Variants in MFAP3L observed in about 807,000 individuals in gnomAD.
The protein encoded by MFAP3L is microfibril associated protein 3 like, also known as microfibrillar-associated protein 3-like.
A neutral mutation model predicts 20.0 loss-of-function variants in MFAP3L; 5 were observed. The ratio of observed to expected loss-of-function variants is 0.25; its 90% CI spans 0.13 to 0.53. The LOEUF (loss-of-function observed/expected upper bound fraction) is 0.53, where lower values mean the gene tolerates loss of function less well. Among genes scored for constraint, MFAP3L ranks in the 20% least tolerant of loss-of-function variants. MFAP3L has a pLI of 0.96. For synonymous variants in MFAP3L, 219 were observed against 213.0 expected (o/e 1.03, Z -0.25); for missense variants, 409 against 527.5 (o/e 0.78, Z 2.20).
intron 1 of MFAP3L, among the ~76,000 whole-genome samples, chr4:170,023,829 T>C (rs1213479376): frequency 6.6e-6 from 1 of 152,190 alleles, no homozygotes; most frequent in Non-Finnish European, 1.5e-5. Flanking sequence ...AAAAGTAGAA[T>C]AAAAAGTCCA....
intron 1 of MFAP3L, among the ~76,000 whole-genome samples, chr4:170,023,707 A>G (rs1740177448): frequency 6.6e-6 from 1 of 152,234 alleles, no homozygotes; most frequent in Non-Finnish European, 1.5e-5. Flanking sequence ...CATGATTTCT[A>G]AATTCCAAAA....
At chr4:170,026,944 T>TA (rs1730484268), upstream of MFAP3L, 2 of 152,280 alleles carry the variant, frequency 1.3e-5, no homozygotes, top group African/African-American at 4.8e-5. Flanking sequence ...GACTGCGCTG[T>TA]AAGTCTTAAA....
chr4:170,027,141 C>T (rs1730501823), upstream of MFAP3L: 1 of 150,952 alleles, frequency 6.6e-6, no homozygotes, highest in Non-Finnish European at 1.5e-5. Context: ...AAGTAGAGTA[C>T]TCTAAAATTA....
Position 169,991,610 on chromosome 4 carries a change from T to TG in MFAP3L, c.997dup (p.Gln333ProfsTer7), listed in dbSNP as rs756100644. 6.2e-7 allele frequency: 1 copy of TG among 1,614,188 alleles called. No individual in the cohort carries two copies. ...TTTGACTTCAAACTGTCCACCCTCT[T>TG]GGTCATCTGCATGCTCTTTTTTGGA... is the stretch of plus-strand genomic sequence containing the variant. On this transcript the variant is annotated frameshift_variant, in exon 3 of 3. Transcript: ENST00000361618. LOFTEE classifies it high-confidence loss of function. This position sits in a 1 kb window ranked among gnomAD's most constrained non-coding sequence, Gnocchi z 4.9.
intron 2 of MFAP3L, among the ~76,000 whole-genome samples, chr4:170,003,988 ACT>A (rs1275153232): frequency 1.4e-4 from 22 of 152,076 alleles, no homozygotes; most frequent in Non-Finnish European, 2.5e-4. Context: ...ACAGAGTCTC[ACT>A]CTGTCGCCCA....
At chr4:170,005,031 G>A (rs554985763) in intron 2 of MFAP3L, 1 of 154,184 alleles carries the variant, frequency 6.5e-6, no homozygotes, top group South Asian at 2.0e-4. Context: ...GCAGTCTCCT[G>A]TTGTCCCACA....
Position 169,991,509 on chromosome 4 carries a change from C to T in MFAP3L, c.1099G>A (p.Glu367Lys), listed in dbSNP as rs191559223. 24 of 1,614,120 alleles carry T rather than the reference C, an allele frequency of 1.5e-5. No homozygotes were observed. The highest frequency in any genetic ancestry group is 1.2e-4 in the Admixed American group (7 of 60,022). The change falls in exon 3 of 3, where the codon GAG becomes AAG. Residue 367 changes from glutamate (E) to lysine (K), a missense_variant. Glu to Lys is a moderately conservative substitution (Grantham distance 56). Coordinates refer to ENST00000361618, the MANE Select transcript of MFAP3L (RefSeq NM_021647.8). The surrounding 1 kb of genome is among the most constrained non-coding windows in gnomAD (Gnocchi z 4.9). ...GGTGTTGGCTCTTCAGATGTTAGCT[C>T]GGTGGACGTGACATCGGTAGAAGGT... ...AEPSTDVTST[E>K]LTSEEPTPVE...
At position 170,004,805 on chromosome 4, in the gene MFAP3L, C is replaced by G. The variant is rs528994717; in HGVS notation, c.298+775G>C. On this transcript the variant is annotated intron_variant, in intron 2 of 2. Coordinates refer to ENST00000361618, the MANE Select transcript of MFAP3L (RefSeq NM_021647.8). ...TAGAACAATGTTCTTTTCACTCCCC[C>G]ACCCCAACCCCTCTACTTCACACAG... Among the ~76,000 whole-genome samples the G allele has an allele frequency of 1.9e-4, 29 of 152,262 alleles. 1 individual carries two copies. The South Asian group carries it at 5.8e-3, about 31-fold the overall frequency.
chr4:170,021,657 A>C (rs2111077284), intron 1 of MFAP3L, among the ~76,000 whole-genome samples: 1 of 152,350 alleles, frequency 6.6e-6, no homozygotes, highest in East Asian at 1.9e-4. Context: ...ACTAAGATAG[A>C]AGAATCCTTC....
chr4:169,998,900 C>G (rs932155648), intron 2 of MFAP3L, among the ~76,000 whole-genome samples: 1 of 152,198 alleles, frequency 6.6e-6, no homozygotes, highest in African/African-American at 2.4e-5. Flanking sequence ...TGAAATACAA[C>G]ATTTATTCAA....
intron 2 of MFAP3L, among the ~76,000 whole-genome samples, chr4:170,003,070 G>T (rs1018462562): frequency 1.3e-5 from 2 of 152,096 alleles, no homozygotes; most frequent in African/African-American, 4.8e-5. Context: ...TGTATTGCTT[G>T]GTTGTTAGGT....
At chr4:170,021,948 A>C (rs1269911649) in intron 1 of MFAP3L, among the ~76,000 whole-genome samples, 1 of 152,188 alleles carries the variant, frequency 6.6e-6, no homozygotes, top group African/African-American at 2.4e-5. Flanking sequence ...ATGACATTGC[A>C]AGCAGCTATT....
intron 1 of MFAP3L, among the ~76,000 whole-genome samples, chr4:170,014,718 A>G (rs1321670839): frequency 6.6e-6 from 1 of 152,226 alleles, no homozygotes; most frequent in Non-Finnish European, 1.5e-5. Context: ...CAAACCCGCA[A>G]GGCCTTGATA....
At chr4:170,011,928 A>T (rs1739406818) in intron 1 of MFAP3L, among the ~76,000 whole-genome samples, 1 of 152,206 alleles carries the variant, frequency 6.6e-6, no homozygotes, top group Admixed American at 6.5e-5. Context: ...AGAAACGATT[A>T]CAGAGAACCT....
intron 2 of MFAP3L, among the ~76,000 whole-genome samples, chr4:169,999,162 G>C (rs115911411): frequency 0.02 from 2,976 of 152,300 alleles, 90 homozygotes; most frequent in African/African-American, 0.068. Flanking sequence ...AGCTGCAAGT[G>C]CTCTTGTGCC....
chr4:170,016,480 A>G (rs1236144578), intron 1 of MFAP3L, among the ~76,000 whole-genome samples: 1 of 152,188 alleles, frequency 6.6e-6, no homozygotes, highest in Non-Finnish European at 1.5e-5. Context: ...CTGGTCACCT[A>G]TGTGAAACCG....
chr4:169,987,163 T>A lies in MFAP3L; in HGVS notation c.*4215A>T, dbSNP rs1737334331. The A allele has an allele frequency of 1.3e-5, 2 of 152,290 alleles. No individual in the cohort carries two copies. Among genetic ancestry groups the A allele is most frequent in the Non-Finnish European group, 2.9e-5 (2 of 68,014 alleles). 9.4% of individuals were successfully genotyped at this position (152,290 alleles called of 1,614,324 possible). On this transcript the variant is annotated 3_prime_UTR_variant, in exon 3 of 3. Transcript: ENST00000361618. ...TTTTATTTGATTTTTCCCCCACAAT[T>A]GATTTGTGTAACCCAAACCTGGTTG...
At position 169,987,647 on chromosome 4, in the gene MFAP3L, A is replaced by G. The variant is rs1219784613; in HGVS notation, c.*3731T>C. On this transcript the variant is annotated 3_prime_UTR_variant, in exon 3 of 3. Transcript: ENST00000361618. ...AATTGGTGTTTCTACAGTCAAGTTA[A>G]TTTGTGTTGGCTGCACGGGGCTTAG... 6.6e-6 allele frequency: 1 copy of G among 152,170 alleles called. No individual in the cohort carries two copies. The highest frequency in any genetic ancestry group is 2.4e-5 in the African/African-American group (1 of 41,432). 9.4% of individuals were successfully genotyped at this position (152,170 alleles called of 1,614,324 possible).
intron 1 of MFAP3L, among the ~76,000 whole-genome samples, chr4:170,011,239 A>G (rs1185788183): frequency 6.6e-6 from 1 of 152,210 alleles, no homozygotes; most frequent in South Asian, 2.1e-4. Flanking sequence ...AGCAGCATGA[A>G]AACAAACAGA....
Sources: allele counts gnomAD v4.1 joint callset (sites outside exome capture counted in the v4.1 genomes callset), GRCh38; gene constraint gnomAD v4.1.1; non-coding constraint Gnocchi (gnomAD v3.1); transcripts MANE v1.5; gene names NCBI Gene and HGNC (gene_info 2026-07-23, HGNC 2026-07-21).